PLEKHA8: variants seen among roughly 807,000 people sequenced by gnomAD.
PLEKHA8 encodes the protein pleckstrin homology domain containing A8, also known as pleckstrin homology domain-containing family A member 8.
PLEKHA8 carries 36 observed loss-of-function variants against 68.2 expected under a neutral mutation model. The observed-to-expected ratio is 0.53, with a 90% CI of 0.40 to 0.70. The LOEUF (loss-of-function observed/expected upper bound fraction) is 0.70, where lower values mean the gene tolerates loss of function less well. PLEKHA8 is among the 30% of genes least tolerant of loss of function. The pLI, the probability that PLEKHA8 is intolerant of heterozygous loss-of-function variation, is 0.00. For synonymous variants in PLEKHA8, 211 were observed against 216.1 expected, an observed-to-expected ratio of 0.98 and a Z score of 0.20; for missense variants, 505 against 615.4, an observed-to-expected ratio of 0.82 and a Z score of 1.90.
chr7:30,035,714 G>A lies in PLEKHA8; in HGVS notation c.40+6912G>A, dbSNP rs547808568. On this transcript the variant is annotated intron_variant, in intron 1 of 13. Transcript: ENST00000449726. The stretch of plus-strand genomic sequence containing the variant: ...GGCTGGAGTGCAGTGGCACAATGTC[G>A]GCTCACTGCAACCTTCGCCTCCCGG... Among the ~76,000 whole-genome samples, 8 of 152,002 alleles carry A rather than the reference G, an allele frequency of 5.3e-5. No individual in the cohort carries two copies. The South Asian group carries it at 1.2e-3, about 24-fold the overall frequency.
intron 13 of PLEKHA8, among the ~76,000 whole-genome samples, chr7:30,105,931 C>T (rs1478336397): frequency 6.6e-6 from 1 of 152,122 alleles, no homozygotes; most frequent in Admixed American, 6.6e-5. Context: ...ATGGAATCCA[C>T]CTTTTGGTGA....
At position 30,115,936 on chromosome 7, in the gene PLEKHA8, ACATGCACACATACGCATACATG is replaced by A. The variant is rs1478065435; in HGVS notation, c.1363-13323_1363-13302del. 3 of 110,288 alleles carry A rather than the reference ACATGCACACATACGCATACATG, an allele frequency of 2.7e-5. 1 individual carries two copies. In the South Asian group the frequency reaches 7.9e-4, roughly 29 times the overall value. The allele number at this position is 110,288 out of a possible 1,614,324, so 6.8% of individuals were successfully genotyped here. On this transcript the variant is annotated intron_variant, in intron 13 of 13. Transcript: ENST00000396257. ...CATGCGTGCGTGTACATACATGTATACATGCACACATACGCATACATGCATGCATACATGTGCATGCATGCAT... is the reference window on the plus strand; with the variant it reads ...CATGCGTGCGTGTACATACATGTATACATGCATACATGTGCATGCATGCAT...
At chr7:30,090,279 T>C (rs1583458624) in exon 13 of PLEKHA8, 3 of 1,382,078 alleles carry the variant, frequency 2.2e-6, no homozygotes, top group South Asian at 1.3e-5. Context: ...TCAAACTTCC[T>C]TTCCACAAGA....
chr7:30,038,578 G>C (rs1791284144), intron 1 of PLEKHA8, among the ~76,000 whole-genome samples: 3 of 152,182 alleles, frequency 2.0e-5, no homozygotes, highest in African/African-American at 7.2e-5. Context: ...TGGTAGAATG[G>C]AATTTTCTGT....
Position 30,028,719 on chromosome 7 carries a change from C to T in PLEKHA8, c.-44C>T. The T allele has an allele frequency of 1.6e-6, 2 of 1,228,220 alleles. No individual in the cohort carries two copies. Among genetic ancestry groups the T allele is most frequent in the African/African-American group, 1.6e-5 (1 of 64,176 alleles). The allele number at this position is 1,228,220 out of a possible 1,614,324, so 76.1% of individuals were successfully genotyped here. A position where few individuals can be genotyped will look rare whatever the true frequency, so the allele number is the denominator to read the frequency against. On this transcript the variant is annotated 5_prime_UTR_variant, in exon 1 of 14. The change creates a premature stop within an existing upstream ORF in the 5' untranslated region. Coordinates refer to ENST00000449726, the MANE Select transcript of PLEKHA8 (RefSeq NM_001197026.2). ...GCTCCTCGCCTCTTGGGGCCTGGGG[C>T]AGTGAGGGGGCCGGCGGGCGTGGGC...
intron 13 of PLEKHA8, among the ~76,000 whole-genome samples, chr7:30,124,225 T>C (rs555191617): frequency 6.6e-6 from 1 of 152,206 alleles, no homozygotes; most frequent in African/African-American, 2.4e-5. Flanking sequence ...CAAAGAACTT[T>C]TGTTATGTGG....
chr7:30,117,677 C>T (rs1161927324), intron 13 of PLEKHA8, among the ~76,000 whole-genome samples: 3 of 152,130 alleles, frequency 2.0e-5, no homozygotes, highest in African/African-American at 7.2e-5. Flanking sequence ...GTACTCCATC[C>T]AGCCTGTGTG....
At chr7:30,116,103 C>T (rs1015545276) in intron 13 of PLEKHA8, 1 of 150,340 alleles carries the variant, frequency 6.7e-6, no homozygotes, top group African/African-American at 2.5e-5. Flanking sequence ...CGTATACATA[C>T]GCATACATAC....
At position 30,079,066 on chromosome 7, in the gene PLEKHA8, C is replaced by A; in HGVS notation, c.*279C>A. 8.5e-7 allele frequency: 1 copy of A among 1,178,428 alleles called. No homozygotes were observed. The highest frequency in any genetic ancestry group is 1.1e-6 in the Non-Finnish European group (1 of 951,714). The allele number at this position is 1,178,428 out of a possible 1,614,324, so 73.0% of individuals were successfully genotyped here. ...AAGTTATAAGAGCAGATTTAACAAA[C>A]AAATTTGCTGTTATTGTGTATTGTA... On this transcript the variant is annotated 3_prime_UTR_variant, in exon 14 of 14. Coordinates refer to ENST00000449726, the MANE Select transcript of PLEKHA8 (RefSeq NM_001197026.2).
At chr7:30,070,131 G>GTT (rs140563794) in intron 12 of PLEKHA8, among the ~76,000 whole-genome samples, 2 of 145,520 alleles carry the variant, frequency 1.4e-5, no homozygotes, top group Admixed American at 6.8e-5. Flanking sequence ...TTTGGGAAGT[G>GTT]TTTTTTTTTT....
chr7:30,055,001 G>A, intron 8 of PLEKHA8, 136 bp downstream of exon 8: 1 of 905,258 alleles, frequency 1.1e-6, no homozygotes, highest in Non-Finnish European at 1.7e-6. Flanking sequence ...CTGCTTTACT[G>A]TTTACTCTTT....
chr7:30,086,171 A>G (rs1795174074), downstream of PLEKHA8, among the ~76,000 whole-genome samples: 1 of 152,232 alleles, frequency 6.6e-6, no homozygotes, highest in South Asian at 2.1e-4. Flanking sequence ...ATGTTGAGGA[A>G]TCACCACCAC....
In PLEKHA8 at chr7:30,084,003, T is replaced by C. The variant is rs182143888; in HGVS notation, c.*5216T>C. The C allele has an allele frequency of 7.6e-5, 75 of 985,452 alleles. 1 individual carries two copies. The African/African-American group carries it at 1.2e-3, about 16-fold the overall frequency. The allele number at this position is 985,452 out of a possible 1,614,324, so 61.0% of individuals were successfully genotyped here. A position where few individuals can be genotyped will look rare whatever the true frequency, so the allele number is the denominator to read the frequency against. ...AAGGCTATGAGCCAGTTCCATGGCA[T>C]GTTTAATGTATAATTCCCATGTATC... On this transcript the variant is annotated 3_prime_UTR_variant, in exon 14 of 14. Coordinates refer to ENST00000449726, the MANE Select transcript of PLEKHA8 (RefSeq NM_001197026.2).
chr7:30,116,276 A>G (rs1019257824), intron 13 of PLEKHA8, among the ~76,000 whole-genome samples: 2 of 151,636 alleles, frequency 1.3e-5, no homozygotes, highest in Non-Finnish European at 2.9e-5. Context: ...ACATGTATGT[A>G]TGTATACATG....
At chr7:30,107,706 G>C (rs1169691600) in intron 13 of PLEKHA8, among the ~76,000 whole-genome samples, 2 of 152,070 alleles carry the variant, frequency 1.3e-5, no homozygotes, top group Non-Finnish European at 2.9e-5. Flanking sequence ...CATTTACCAG[G>C]CTAAATAAGT....
At chr7:30,098,709 G>A (rs935349979) in intron 13 of PLEKHA8, among the ~76,000 whole-genome samples, 2 of 152,196 alleles carry the variant, frequency 1.3e-5, no homozygotes, top group Non-Finnish European at 2.9e-5. Context: ...GGAGTGACCC[G>A]ATTTTCCAGG....
intron 12 of PLEKHA8, chr7:30,090,081 G>C: frequency 6.8e-7 from 1 of 1,466,252 alleles, no homozygotes; most frequent in Non-Finnish European, 9.2e-7. Context: ...AGTATCTGGA[G>C]ATAAAATACA....
intron 1 of PLEKHA8, among the ~76,000 whole-genome samples, chr7:30,031,382 G>GC (rs1031410088): frequency 6.6e-6 from 1 of 152,150 alleles, no homozygotes; most frequent in African/African-American, 2.4e-5. Flanking sequence ...TTAATAGTTC[G>GC]CTGGAGAGGC....
intron 1 of PLEKHA8, among the ~76,000 whole-genome samples, chr7:30,035,222 T>C (rs757913378): frequency 1.3e-5 from 2 of 152,202 alleles, no homozygotes; most frequent in Admixed American, 6.5e-5. Flanking sequence ...TTGAGCAAGT[T>C]ACTTAATCTT....
Sources: allele counts gnomAD v4.1 joint callset (sites outside exome capture counted in the v4.1 genomes callset), GRCh38; gene constraint gnomAD v4.1.1; transcripts MANE v1.5; gene names NCBI Gene and HGNC (gene_info 2026-07-23, HGNC 2026-07-21).